FARSB: variants seen among roughly 807,000 people sequenced by gnomAD.
The protein encoded by FARSB is phenylalanine--tRNA ligase beta subunit.
FARSB carries 40 observed loss-of-function variants against 69.6 expected under a neutral mutation model. That is an observed-to-expected ratio of 0.57 (90% CI 0.45 to 0.75). The LOEUF (loss-of-function observed/expected upper bound fraction) is 0.75. Among genes scored for constraint, FARSB ranks in the 30% least tolerant of loss-of-function variants. FARSB has a pLI of 0.00. For missense variants in FARSB, 632 were observed against 722.9 expected (o/e 0.87, Z 1.44); for synonymous variants, 235 against 247.2 (o/e 0.95, Z 0.46).
At chr2:222,632,955 T>C (rs1691474903) in intron 7 of FARSB, among the ~76,000 whole-genome samples, 1 of 151,674 alleles carries the variant, frequency 6.6e-6, no homozygotes, top group Non-Finnish European at 1.5e-5. Flanking sequence ...AGAAACATAA[T>C]AGAACCCAAA....
chr2:222,648,069 A>C (rs956405787), intron 2 of FARSB, among the ~76,000 whole-genome samples: 1 of 152,192 alleles, frequency 6.6e-6, no homozygotes, highest in Non-Finnish European at 1.5e-5. Flanking sequence ...GAGGATGCTC[A>C]GGACCCATCA....
intron 15 of FARSB, among the ~76,000 whole-genome samples, chr2:222,603,269 A>C (rs928845469): frequency 6.6e-6 from 1 of 152,192 alleles, no homozygotes; most frequent in Non-Finnish European, 1.5e-5. Flanking sequence ...ATTGAGCAAA[A>C]CTTCTTCCAC....
chr2:222,603,692 T>A (rs572790330), intron 15 of FARSB, among the ~76,000 whole-genome samples: 60 of 146,976 alleles, frequency 4.1e-4, no homozygotes, highest in African/African-American at 1.3e-3. Context: ...TTATATATTA[T>A]TATATATATT....
At chr2:222,579,276 C>A (rs1468226880) in intron 16 of FARSB, among the ~76,000 whole-genome samples, 1 of 152,190 alleles carries the variant, frequency 6.6e-6, no homozygotes, top group African/African-American at 2.4e-5. Context: ...TCAAGCTGTC[C>A]ATTTCGTGTT....
intron 16 of FARSB, among the ~76,000 whole-genome samples, chr2:222,578,376 A>C (rs1248535845): frequency 1.3e-5 from 2 of 152,264 alleles, no homozygotes; most frequent in African/African-American, 4.8e-5. Flanking sequence ...GGGCTAATTA[A>C]GGAAAGAATG....
chr2:222,640,484 T>TCC (rs1156310567), intron 4 of FARSB, among the ~76,000 whole-genome samples: 1 of 151,764 alleles, frequency 6.6e-6, no homozygotes, highest in South Asian at 2.1e-4. Flanking sequence ...ATTAGCCAGG[T>TCC]GTGGTGGCGT....
chr2:222,610,863 C>T (rs537155919), intron 15 of FARSB, among the ~76,000 whole-genome samples: 2 of 152,088 alleles, frequency 1.3e-5, no homozygotes, highest in African/African-American at 4.8e-5. Flanking sequence ...ACAAATTGTC[C>T]GAATTTAAGC....
chr2:222,590,486 C>T (rs911964633), intron 16 of FARSB, among the ~76,000 whole-genome samples: 7 of 136,916 alleles, frequency 5.1e-5, no homozygotes, highest in Non-Finnish European at 9.1e-5. Context: ...GCACATTGTG[C>T]ATATGTACCC....
At chr2:222,608,874 AC>A (rs1378963383) in intron 15 of FARSB, among the ~76,000 whole-genome samples, 1 of 152,192 alleles carries the variant, frequency 6.6e-6, no homozygotes, top group Non-Finnish European at 1.5e-5. Context: ...AGAGGCTTTA[AC>A]CTATCCTATT....
At chr2:222,611,764 C>T (rs1183066965) in intron 15 of FARSB, among the ~76,000 whole-genome samples, 7 of 152,108 alleles carry the variant, frequency 4.6e-5, no homozygotes, top group Admixed American at 1.3e-4. Flanking sequence ...CAAATTAAAA[C>T]AAAAATAGCA....
intron 8 of FARSB, among the ~76,000 whole-genome samples, chr2:222,630,794 T>C (rs1691400918): frequency 6.6e-6 from 1 of 152,152 alleles, no homozygotes; most frequent in Non-Finnish European, 1.5e-5. Context: ...GGTCTGTAAA[T>C]GCACGAATTA....
chr2:222,637,973 C>A (rs560863919), intron 5 of FARSB, among the ~76,000 whole-genome samples: 1 of 151,956 alleles, frequency 6.6e-6, no homozygotes, highest in African/African-American at 2.4e-5. Flanking sequence ...CAGAGAAAAA[C>A]CCTGTCTCAA....
At chr2:222,643,535 C>G (rs1198926478) in intron 2 of FARSB, among the ~76,000 whole-genome samples, 1 of 151,950 alleles carries the variant, frequency 6.6e-6, no homozygotes, top group Non-Finnish European at 1.5e-5. Flanking sequence ...ACAAAAGTGT[C>G]AAAGGGGTAA....
At chr2:222,628,166 G>A (rs1433325070) in intron 10 of FARSB, among the ~76,000 whole-genome samples, 1 of 152,152 alleles carries the variant, frequency 6.6e-6, no homozygotes, top group Non-Finnish European at 1.5e-5. Flanking sequence ...TATGTTCGGA[G>A]GGCTGAGTAA....
chr2:222,598,868 T>C (rs1167569240), intron 16 of FARSB, among the ~76,000 whole-genome samples: 2 of 151,554 alleles, frequency 1.3e-5, no homozygotes, highest in Admixed American at 6.6e-5. Flanking sequence ...AGCATAACAA[T>C]GTCTGCATTT....
intron 14 of FARSB, among the ~76,000 whole-genome samples, chr2:222,614,927 A>AT (rs1182869443): frequency 2.0e-5 from 3 of 152,222 alleles, no homozygotes; most frequent in African/African-American, 4.8e-5. Context: ...AAAATATCAC[A>AT]ATGAGGAAAA....
chr2:222,639,734 G>A, intron 4 of FARSB, 39 bp from the exon 5 acceptor site: 1 of 974,876 alleles, frequency 1.0e-6, no homozygotes, highest in Non-Finnish European at 1.5e-6. Context: ...CAAACAGTAA[G>A]GCTTTTCTTT....
At chr2:222,595,528 A>T (rs1362693888) in intron 16 of FARSB, among the ~76,000 whole-genome samples, 2 of 152,200 alleles carry the variant, frequency 1.3e-5, no homozygotes, top group Non-Finnish European at 2.9e-5. Context: ...ATTTCACAAA[A>T]TGTATTCTGA....
intron 5 of FARSB, among the ~76,000 whole-genome samples, chr2:222,639,209 G>A (rs996223522): frequency 3.3e-5 from 5 of 151,978 alleles, no homozygotes; most frequent in African/African-American, 9.7e-5. Context: ...TCATTAACAC[G>A]GTTTATACTT....
Sources: gnomAD v4.1 joint callset for allele counts (sites outside exome capture counted in the v4.1 genomes callset) on GRCh38, gnomAD v4.1.1 for gene constraint, MANE v1.5 for transcripts, NCBI Gene and HGNC (gene_info 2026-07-23, HGNC 2026-07-21) for gene names.